Variants in ARID1A observed in about 807,000 individuals in gnomAD.
ARID1A encodes AT-rich interaction domain 1A.
A neutral mutation model predicts 212.6 loss-of-function variants in ARID1A; 20 were observed. That is an observed-to-expected ratio of 0.09 (90% CI 0.07 to 0.14). ARID1A has a LOEUF of 0.14. Among genes scored for constraint, ARID1A ranks in the 10% least tolerant of loss-of-function variants. The pLI is 1.00. For synonymous variants in ARID1A, 1,376 were observed against 1,222.1 expected, an observed-to-expected ratio of 1.13 and a Z score of -2.63; for missense variants, 2,587 against 3,059.0, an observed-to-expected ratio of 0.85 and a Z score of 3.64.
In ARID1A at chr1:26,771,397, A is replaced by G; in HGVS notation, c.3406+71A>G. The G allele has an allele frequency of 2.0e-6, 3 of 1,470,978 alleles. No individual in the cohort carries two copies. Among genetic ancestry groups the G allele is most frequent in the Non-Finnish European group, 2.8e-6 (3 of 1,061,848 alleles). 91.1% of individuals were successfully genotyped at this position (1,470,978 alleles called of 1,614,324 possible). ...GCCCTGGCCTCTTATTCAGGATATG[A>G]ATAAGAGGCTTATCCAACAGGATAT... On this transcript the variant is annotated intron_variant, in intron 12 of 19. Coordinates refer to ENST00000324856, the MANE Select transcript of ARID1A (RefSeq NM_006015.6). This position sits in a 1 kb window ranked among gnomAD's most constrained non-coding sequence, Gnocchi z 5.4.
chr1:26,774,325 T>G lies in ARID1A; in HGVS notation c.4102-4T>G. ...AACTTCCCCTCTGCTTGTCTCTGCC[T>G]TAGAATTACAAGCGGCCAATGGATG... On this transcript the variant is annotated splice_polypyrimidine_tract_variant and splice_region_variant and intron_variant, in intron 17 of 19. Transcript: ENST00000324856. This position sits in a 1 kb window ranked among gnomAD's most constrained non-coding sequence, Gnocchi z 5.6. The G allele has an allele frequency of 6.5e-7, 1 of 1,531,162 alleles. No individual in the cohort carries two copies. The highest frequency in any genetic ancestry group is 8.8e-7 in the Non-Finnish European group (1 of 1,138,738). The allele number at this position is 1,531,162 out of a possible 1,614,324, so 94.8% of individuals were successfully genotyped here.
At chr1:26,760,691 AAAAAAATTTTTTTTTT>A (rs2080983000) in intron 4 of ARID1A, among the ~76,000 whole-genome samples, 149 bp from the exon 5 acceptor site, 1 of 152,130 alleles carries the variant, frequency 6.6e-6, no homozygotes, top group South Asian at 2.1e-4. Flanking sequence ...TGTCTCAAAA[AAAAAAATTTTTTTTTT>A]TAATAAAAAT....
At chr1:26,735,702 A>G (rs1019650498) in intron 4 of ARID1A, among the ~76,000 whole-genome samples, 6 of 152,198 alleles carry the variant, frequency 3.9e-5, no homozygotes, top group South Asian at 4.1e-4. Context: ...GGGCCCAAGA[A>G]TGTGCATTTC....
chr1:26,756,133 C>T (rs1011336689), intron 4 of ARID1A, among the ~76,000 whole-genome samples: 1 of 151,992 alleles, frequency 6.6e-6, no homozygotes, highest in Non-Finnish European at 1.5e-5. Flanking sequence ...ACACCAAGGC[C>T]AGGGGCAGTG....
intron 4 of ARID1A, among the ~76,000 whole-genome samples, chr1:26,746,193 T>C (rs1000500069): frequency 6.6e-6 from 1 of 152,224 alleles, no homozygotes; most frequent in African/African-American, 2.4e-5. Context: ...TACTACAGCT[T>C]CTGGATTTAG....
chr1:26,743,996 T>C (rs1360383648), intron 4 of ARID1A, among the ~76,000 whole-genome samples: 3 of 152,138 alleles, frequency 2.0e-5, no homozygotes, highest in East Asian at 3.9e-4. Context: ...ACCTGTTTTC[T>C]TTATAGCTGA....
chr1:26,761,638 G>C (rs769146885), intron 6 of ARID1A, among the ~76,000 whole-genome samples, 165 bp downstream of exon 6: 3 of 152,220 alleles, frequency 2.0e-5, no homozygotes, highest in Non-Finnish European at 4.4e-5. Context: ...ACTCATTTAT[G>C]GGGTACATAA....
In ARID1A at chr1:26,780,057, G is replaced by A. The variant is rs2124146325; in HGVS notation, c.6159G>A (p.Leu2053=). ...AAGTGGAGTGGTGGTGGGACTGCTT[G>A]GAGATGCTCCGGGAAAACACCTTGG... ...CNKVEWWWDC[L]EMLRENTLVT... Residue 2053 remains leucine (L), a synonymous_variant, in exon 20 of 20, where the codon TTG becomes TTA. Coordinates refer to ENST00000324856, the MANE Select transcript of ARID1A (RefSeq NM_006015.6). The surrounding 1 kb of genome is among the most constrained non-coding windows in gnomAD (Gnocchi z 7.2). The A allele has an allele frequency of 6.2e-7, 1 of 1,614,148 alleles. No individual in the cohort carries two copies. Among genetic ancestry groups the A allele is most frequent in the Non-Finnish European group, 8.5e-7 (1 of 1,180,018 alleles).
rs2081188235 is a variant in ARID1A at position 26,780,942 on chromosome 1, C to T, written c.*186C>T. Reference sequence around the variant, plus strand: ...CCTTCCACCTCCCCTCCCTCCATCACCTCACGCCTTTCTGTTCCTTGTCCT... The same window carrying T: ...CCTTCCACCTCCCCTCCCTCCATCATCTCACGCCTTTCTGTTCCTTGTCCT... On this transcript the variant is annotated 3_prime_UTR_variant, in exon 20 of 20. Transcript: ENST00000324856. The surrounding 1 kb of genome is among the most constrained non-coding windows in gnomAD (Gnocchi z 7.2). 2 of 786,918 alleles carry T rather than the reference C, an allele frequency of 2.5e-6. No homozygotes were observed. Among genetic ancestry groups the T allele is most frequent in the African/African-American group, 1.7e-5 (1 of 57,288 alleles). The allele number at this position is 786,918 out of a possible 1,614,324, so 48.7% of individuals were successfully genotyped here.
At chr1:26,740,345 T>A (rs1001823497) in intron 4 of ARID1A, among the ~76,000 whole-genome samples, 12 of 152,240 alleles carry the variant, frequency 7.9e-5, no homozygotes, top group Admixed American at 6.5e-4. Flanking sequence ...ACCATGTGCC[T>A]GTATGTTATA....
intron 1 of ARID1A, among the ~76,000 whole-genome samples, chr1:26,705,479 C>T (rs1430691585): frequency 6.6e-6 from 1 of 150,966 alleles, no homozygotes; most frequent in African/African-American, 2.4e-5. Context: ...TGGTCCATGA[C>T]CTGCTGAAAG....
In ARID1A at chr1:26,774,674, G is replaced by A. The variant is rs1466575457; in HGVS notation, c.4447G>A (p.Gly1483Ser). The A allele has an allele frequency of 4.3e-6, 7 of 1,614,186 alleles. No homozygotes were observed. Among genetic ancestry groups the A allele is most frequent in the Non-Finnish European group, 5.9e-6 (7 of 1,180,026 alleles). Residue 1483 changes from glycine to serine, a missense_variant, in exon 18 of 20, where the codon GGC becomes AGC. Gly to Ser is a moderately conservative substitution (Grantham distance 56). This residue lies in a region of ARID1A where 890 missense variants were observed against 1,098.2 expected (regional missense o/e 0.81). Coordinates refer to ENST00000324856, the MANE Select transcript of ARID1A (RefSeq NM_006015.6). This position sits in a 1 kb window ranked among gnomAD's most constrained non-coding sequence, Gnocchi z 5.6. ...AAACATGCCACCACAAATGATGGGC[G>A]GCCCCATACAGGCATCAGCTGAGGT... is the stretch of plus-strand genomic sequence containing the variant. Reference protein sequence around the residue: ...QQNMPPQMMGGPIQASAEVAQ... With the variant: ...QQNMPPQMMGSPIQASAEVAQ...
Position 26,773,826 on chromosome 1 carries a change from C to T in ARID1A, c.4029C>T (p.Phe1343=), listed in dbSNP as rs1449435100. The T allele has an allele frequency of 6.2e-7, 1 of 1,614,086 alleles. No homozygotes were observed. The highest frequency in any genetic ancestry group is 1.7e-5 in the Admixed American group (1 of 60,008). The change falls in exon 17 of 20, where the codon TTC becomes TTT. Residue 1343 remains phenylalanine (F), a synonymous_variant. Coordinates refer to ENST00000324856, the MANE Select transcript of ARID1A (RefSeq NM_006015.6). ...QQRHDSYGNQ[F]STQGTPSGSP... is the part of the protein sequence containing the mutation. Reference sequence around the variant, plus strand: ...GACATGATTCCTATGGCAATCAGTTCTCCACCCAAGGCACCCCTTCTGGCA... The same window carrying T: ...GACATGATTCCTATGGCAATCAGTTTTCCACCCAAGGCACCCCTTCTGGCA...
intron 13 of ARID1A, 40 bp from the exon 14 acceptor site, chr1:26,772,772 T>C (rs2081095301): frequency 6.2e-7 from 1 of 1,607,368 alleles, no homozygotes; most frequent in South Asian, 1.1e-5. Context: ...TTGGAGGAAT[T>C]GGTTTATTTG....
rs1394917679 is a variant in ARID1A at position 26,696,771 on chromosome 1, G to A, written c.368G>A (p.Gly123Asp). Residue 123 changes from glycine to aspartate, a missense_variant, in exon 1 of 20, where the codon GGC (glycine) becomes GAC (aspartate). Physicochemically the swap from Gly to Asp is moderately conservative, Grantham distance 94. This residue lies in a region of ARID1A where 735 missense variants were observed against 590.6 expected (regional missense o/e 1.24). Coordinates refer to ENST00000324856, the MANE Select transcript of ARID1A (RefSeq NM_006015.6). Reference protein sequence around the residue: ...LNNNLTEPPGGGGGGSSDGVG... With the variant: ...LNNNLTEPPGDGGGGSSDGVG... ...AATAACCTCACGGAGCCGCCCGGCG[G>A]CGGCGGTGGCGGCAGCAGCGATGGG... 5 of 1,343,852 alleles carry A rather than the reference G, an allele frequency of 3.7e-6. No individual in the cohort carries two copies. The highest frequency in any genetic ancestry group is 3.8e-6 in the Non-Finnish European group (4 of 1,052,630). The allele number at this position is 1,343,852 out of a possible 1,614,324, so 83.2% of individuals were successfully genotyped here.
At chr1:26,707,899 G>A (rs996519654) in intron 1 of ARID1A, among the ~76,000 whole-genome samples, 1 of 152,036 alleles carries the variant, frequency 6.6e-6, no homozygotes, top group Non-Finnish European at 1.5e-5. Flanking sequence ...ACTCTTCAAA[G>A]GTATTACAAT....
chr1:26,718,430 T>C (rs1240288049), intron 1 of ARID1A, among the ~76,000 whole-genome samples: 5 of 152,160 alleles, frequency 3.3e-5, no homozygotes, highest in African/African-American at 4.8e-5. Flanking sequence ...TCCTCCCTTA[T>C]CTGTGCGGCG....
chr1:26,735,571 C>T (rs1036829533), intron 4 of ARID1A, among the ~76,000 whole-genome samples: 2 of 152,156 alleles, frequency 1.3e-5, no homozygotes, highest in East Asian at 1.9e-4. Flanking sequence ...GGATTATAGG[C>T]GTGAGCCACC....
intron 1 of ARID1A, among the ~76,000 whole-genome samples, chr1:26,701,523 A>G (rs1418886783): frequency 6.6e-6 from 1 of 152,220 alleles, no homozygotes; most frequent in Non-Finnish European, 1.5e-5. Context: ...TAGGTTCCAC[A>G]TACAGCTCCA....
Sources: gnomAD v4.1 joint callset for allele counts (sites outside exome capture counted in the v4.1 genomes callset) on GRCh38, gnomAD v4.1.1 for gene constraint, gnomAD v4.1.1 regional missense constraint, Gnocchi (gnomAD v3.1) non-coding constraint, MANE v1.5 for transcripts, NCBI Gene and HGNC (gene_info 2026-07-23, HGNC 2026-07-21) for gene names.